The following SLC35C1 variants were observed in gnomAD, a reference collection of about 807,000 sequenced individuals.
SLC35C1 encodes the protein solute carrier family 35 member C1, also known as GDP-fucose transporter 1.
In SLC35C1, 8 loss-of-function variants were observed where a neutral mutation model predicts 23.2. The ratio of observed to expected loss-of-function variants is 0.35; its 90% CI spans 0.20 to 0.62. SLC35C1 has a LOEUF of 0.62. Among genes scored for constraint, SLC35C1 ranks in the 20% least tolerant of loss-of-function variants. The probability of loss-of-function intolerance (pLI) is 0.75; values close to 1 mark genes in which losing one functional copy is unlikely to be tolerated. For synonymous variants in SLC35C1, 226 were observed against 225.1 expected, an observed-to-expected ratio of 1.00 and a Z score of -0.04; for missense variants, 422 against 478.6, an observed-to-expected ratio of 0.88 and a Z score of 1.10.
intron 1 of SLC35C1, among the ~76,000 whole-genome samples, 181 bp downstream of exon 1, chr11:45,806,517 TAGG>T (rs1350374804): frequency 6.6e-6 from 1 of 152,102 alleles, no homozygotes; most frequent in African/African-American, 2.4e-5. Flanking sequence ...CCCAGCAAGT[TAGG>T]AGCCCAGCCG....
Position 45,811,361 on chromosome 11 carries a change from G to A in SLC35C1, c.*26G>A, listed in dbSNP as rs781145940. Reference sequence around the variant, plus strand: ...GCACCACAGGCACCCTGGATGGCCCGGCCCCGGGGCCCGTACACAGGCGGG... The same window carrying A: ...GCACCACAGGCACCCTGGATGGCCCAGCCCCGGGGCCCGTACACAGGCGGG... On this transcript the variant is annotated 3_prime_UTR_variant, in exon 2 of 2. Transcript: ENST00000314134. 1.2e-5 allele frequency: 17 copies of A among 1,462,476 alleles called. No homozygotes were observed. The highest frequency in any genetic ancestry group is 2.8e-5 in the South Asian group (2 of 70,738). 90.6% of individuals were successfully genotyped at this position (1,462,476 alleles called of 1,614,324 possible).
chr11:45,813,000 A>G lies in SLC35C1; in HGVS notation c.*1665A>G, dbSNP rs1341968792. The G allele has an allele frequency of 4.4e-6, 1 of 229,608 alleles. No individual in the cohort carries two copies. The highest frequency in any genetic ancestry group is 9.2e-5 in the East Asian group (1 of 10,882). The allele number at this position is 229,608 out of a possible 1,614,324, so 14.2% of individuals were successfully genotyped here. A position where few individuals can be genotyped will look rare whatever the true frequency, so the allele number is the denominator to read the frequency against. ...GATGCCCTGAGTTGTTTGTGATTCA[A>G]TAAAGAATCCATAAGATCCTGTGTG... On this transcript the variant is annotated 3_prime_UTR_variant, in exon 2 of 2. Coordinates refer to ENST00000314134, the MANE Select transcript of SLC35C1 (RefSeq NM_018389.5).
intron 1 of SLC35C1, among the ~76,000 whole-genome samples, chr11:45,808,417 C>T (rs2085900477): frequency 6.6e-6 from 1 of 152,108 alleles, no homozygotes; most frequent in East Asian, 1.9e-4. Flanking sequence ...AGGATAATTG[C>T]TTGAACCCGG....
At chr11:45,807,392 G>C (rs1052613893) in intron 1 of SLC35C1, among the ~76,000 whole-genome samples, 1 of 152,208 alleles carries the variant, frequency 6.6e-6, no homozygotes, top group Non-Finnish European at 1.5e-5. Context: ...GTGGCTGAGG[G>C]CTATGGTATG....
At chr11:45,806,921 T>C in intron 1 of SLC35C1, 1 of 984,898 alleles carries the variant, frequency 1.0e-6, no homozygotes, top group African/African-American at 1.7e-5. Context: ...GGATAGCGCC[T>C]GAGACAGTAG....
Position 45,805,928 on chromosome 11 carries a change from C to T in SLC35C1, c.127C>T (p.Leu43=). 3.7e-6 allele frequency: 6 copies of T among 1,614,232 alleles called. No individual in the cohort carries two copies. The highest frequency in any genetic ancestry group is 5.1e-6 in the Non-Finnish European group (6 of 1,180,034). The change falls in exon 1 of 2, where the codon CTG becomes TTG. Residue 43 remains leucine (L), a synonymous_variant. Coordinates refer to ENST00000314134, the MANE Select transcript of SLC35C1 (RefSeq NM_018389.5). Reference sequence around the variant, plus strand: ...TCTGCTGCGGGCATTGCAGATCGCGCTGGTGGTCTCCCTCTACTGGGTCAC... The same window carrying T: ...TCTGCTGCGGGCATTGCAGATCGCGTTGGTGGTCTCCCTCTACTGGGTCAC... The part of the protein sequence containing the change: ...PFLLRALQIA[L]VVSLYWVTSI...
Position 45,812,982 on chromosome 11 carries a change from T to C in SLC35C1, c.*1647T>C, listed in dbSNP as rs886048323. 2 of 235,176 alleles carry C rather than the reference T, an allele frequency of 8.5e-6. No individual in the cohort carries two copies. The highest frequency in any genetic ancestry group is 1.8e-5 in the Non-Finnish European group (2 of 113,396). 14.6% of individuals were successfully genotyped at this position (235,176 alleles called of 1,614,324 possible). ...ATGCAGCTGCTGGGGCCTGATGCCC[T>C]GAGTTGTTTGTGATTCAATAAAGAA... is the stretch of plus-strand genomic sequence containing the variant. On this transcript the variant is annotated 3_prime_UTR_variant, in exon 2 of 2. Transcript: ENST00000314134.
At chr11:45,810,137 G>A in intron 1 of SLC35C1, 1 of 985,426 alleles carries the variant, frequency 1.0e-6, no homozygotes, top group Non-Finnish European at 1.2e-6. Context: ...CCACGCCAAG[G>A]AGTGTAGTCC....
chr11:45,809,678 T>C lies in SLC35C1; in HGVS notation c.536-1098T>C, dbSNP rs2085915969. The C allele has an allele frequency of 1.2e-5, 11 of 900,326 alleles. No homozygotes were observed. The South Asian group carries it at 4.1e-4, about 33-fold the overall frequency. The allele number at this position is 900,326 out of a possible 1,614,324, so 55.8% of individuals were successfully genotyped here. A position where few individuals can be genotyped will look rare whatever the true frequency, so the allele number is the denominator to read the frequency against. The stretch of plus-strand genomic sequence containing the variant: ...AGAGAGCTCAGAGTGGTTAAGTAAC[T>C]TCTCCCAGGCCACTCAGCTTCTAAA... On this transcript the variant is annotated intron_variant, in intron 1 of 1. Coordinates refer to ENST00000314134, the MANE Select transcript of SLC35C1 (RefSeq NM_018389.5).
Position 45,812,670 on chromosome 11 carries a change from C to T in SLC35C1, c.*1335C>T. 2.2e-6 allele frequency: 1 copy of T among 456,004 alleles called. No individual in the cohort carries two copies. Among genetic ancestry groups the T allele is most frequent in the South Asian group, 1.5e-5 (1 of 64,558 alleles). 28.2% of individuals were successfully genotyped at this position (456,004 alleles called of 1,614,324 possible). ...GGTTCCGCCCCCATGACCCAATCAGCTCCAAAGGCCCCACCTCCTAATACT... is the reference window on the plus strand; with the variant it reads ...GGTTCCGCCCCCATGACCCAATCAGTTCCAAAGGCCCCACCTCCTAATACT... On this transcript the variant is annotated 3_prime_UTR_variant, in exon 2 of 2. Coordinates refer to ENST00000314134, the MANE Select transcript of SLC35C1 (RefSeq NM_018389.5).
rs777594884 is a variant in SLC35C1 at position 45,811,286 on chromosome 11, C to T, written c.1046C>T (p.Pro349Leu). 75 of 1,563,316 alleles carry T rather than the reference C, an allele frequency of 4.8e-5. No individual in the cohort carries two copies. Among genetic ancestry groups the T allele is most frequent in the Non-Finnish European group, 6.1e-5 (71 of 1,159,144 alleles). Residue 349 changes from proline (P) to leucine (L), a missense_variant, in exon 2 of 2, where the codon CCG (proline) becomes CTG (leucine). Transcript: ENST00000314134. ...AGGGGCTGGGAGATGAAGAAGACTC[C>T]GGAGGAGCCCAGCCCCAAAGACAGC... ...WVRGWEMKKT[P>L]EEPSPKDSEK...
At chr11:45,808,280 ACCTGAGATCAGTAGTTCGAGACCAG>A (rs2085898873) in intron 1 of SLC35C1, among the ~76,000 whole-genome samples, 1 of 152,002 alleles carries the variant, frequency 6.6e-6, no homozygotes, top group Non-Finnish European at 1.5e-5. Context: ...CAGGTGGATC[ACCTGAGATCAGTAGTTCGAGACCAG>A]CCTGGCCAAC....
chr11:45,804,948 T>G (rs1398211904), upstream of SLC35C1: 5 of 985,278 alleles, frequency 5.1e-6, no homozygotes, highest in East Asian at 4.5e-4. Context: ...AGGGCGAGGC[T>G]CAAGCACCCA....
upstream of SLC35C1, chr11:45,804,237 C>G (rs1170342317): frequency 6.5e-6 from 1 of 153,092 alleles, no homozygotes. Context: ...CTCCCACGAC[C>G]GTCCGGATCA....
At chr11:45,808,126 C>G (rs887662453) in intron 1 of SLC35C1, among the ~76,000 whole-genome samples, 1 of 152,180 alleles carries the variant, frequency 6.6e-6, no homozygotes, top group Non-Finnish European at 1.5e-5. Context: ...CTCTTTCTTC[C>G]TCCTTGTAGG....
rs964703827 is a variant in SLC35C1 at position 45,806,163 on chromosome 11, C to T, written c.362C>T (p.Ser121Leu). ...LRVARSVLPL[S>L]VVFIGMITFN... Reference sequence around the variant, plus strand: ...GTGGCCCGCAGCGTCCTGCCCCTGTCGGTGGTCTTCATCGGCATGATCACC... The same window carrying T: ...GTGGCCCGCAGCGTCCTGCCCCTGTTGGTGGTCTTCATCGGCATGATCACC... Residue 121 changes from serine to leucine, a missense_variant, in exon 1 of 2, where the codon TCG becomes TTG. Transcript: ENST00000314134. The T allele has an allele frequency of 1.9e-6, 3 of 1,606,124 alleles. No individual in the cohort carries two copies. Among genetic ancestry groups the T allele is most frequent in the Non-Finnish European group, 2.5e-6 (3 of 1,179,996 alleles).
intron 1 of SLC35C1, chr11:45,806,871 A>G (rs2085883856): frequency 1.0e-6 from 1 of 984,606 alleles, no homozygotes; most frequent in African/African-American, 1.7e-5. Context: ...AGAGGACAAT[A>G]CGTCTTTTAA....
Position 45,806,096 on chromosome 11 carries a change from C to T in SLC35C1, c.295C>T (p.Pro99Ser). The change falls in exon 1 of 2, where the codon CCT becomes TCT. Residue 99 changes from proline to serine, a missense_variant. Transcript: ENST00000314134. Reference sequence around the variant, plus strand: ...CCTCAGCGCTCTGGCCGCCTGCTGCCCTGGTGCCGTGGACTTCCCCAGCTT... The same window carrying T: ...CCTCAGCGCTCTGGCCGCCTGCTGCTCTGGTGCCGTGGACTTCCCCAGCTT... The part of the protein sequence containing the change: ...KGLSALAACC[P>S]GAVDFPSLRL... The T allele has an allele frequency of 1.9e-6, 3 of 1,611,154 alleles. No individual in the cohort carries two copies. Among genetic ancestry groups the T allele is most frequent in the Non-Finnish European group, 8.5e-7 (1 of 1,180,004 alleles).
At position 45,806,172 on chromosome 11, in the gene SLC35C1, T is replaced by A; in HGVS notation, c.371T>A (p.Phe124Tyr). 1 of 1,605,486 alleles carries A rather than the reference T, an allele frequency of 6.2e-7. No individual in the cohort carries two copies. The highest frequency in any genetic ancestry group is 8.5e-7 in the Non-Finnish European group (1 of 1,179,970). ...ARSVLPLSVVFIGMITFNNLC... is the reference protein window; with the variant it reads ...ARSVLPLSVVYIGMITFNNLC... ...AGCGTCCTGCCCCTGTCGGTGGTCT[T>A]CATCGGCATGATCACCTTCAATAAC... Residue 124 changes from phenylalanine to tyrosine, a missense_variant, in exon 1 of 2, where the codon TTC (phenylalanine) becomes TAC (tyrosine). Transcript: ENST00000314134.
Sources: gnomAD v4.1 joint callset for allele counts (sites outside exome capture counted in the v4.1 genomes callset) on GRCh38, gnomAD v4.1.1 for gene constraint, MANE v1.5 for transcripts, NCBI Gene and HGNC (gene_info 2026-07-23, HGNC 2026-07-21) for gene names.